MYLK: variants seen among roughly 807,000 people sequenced by gnomAD.
The protein encoded by MYLK is myosin light chain kinase, smooth muscle.
A neutral mutation model predicts 203.4 loss-of-function variants in MYLK; 106 were observed. The observed-to-expected ratio is 0.52, with a 90% confidence interval of 0.45 to 0.61. The LOEUF (loss-of-function observed/expected upper bound fraction) is 0.61. MYLK is among the 20% of genes least tolerant of loss of function. MYLK has a pLI of 0.00. For missense variants in MYLK, 2,072 were observed against 2,442.3 expected, an observed-to-expected ratio of 0.85 and a Z score of 3.20; for synonymous variants, 867 against 959.5, an observed-to-expected ratio of 0.90 and a Z score of 1.78.
intron 1 of MYLK, among the ~76,000 whole-genome samples, chr3:123,877,742 G>A (rs557963784): frequency 8.5e-5 from 13 of 152,268 alleles, no homozygotes; most frequent in Middle Eastern, 6.8e-3. Flanking sequence ...GAACATACTC[G>A]TTTCCACAAG....
intron 29 of MYLK, among the ~76,000 whole-genome samples, chr3:123,637,231 C>A (rs1469092263): frequency 6.6e-6 from 1 of 152,190 alleles, no homozygotes; most frequent in South Asian, 2.1e-4. Context: ...ACCGTCCGCA[C>A]CCTGGGGCTT....
At chr3:123,852,097 A>G (rs1201517137) in intron 2 of MYLK, among the ~76,000 whole-genome samples, 1 of 152,202 alleles carries the variant, frequency 6.6e-6, no homozygotes, top group African/African-American at 2.4e-5. Flanking sequence ...GATGAAGCCC[A>G]CTTGATCATG....
chr3:123,749,852 A>G (rs2063141622), intron 5 of MYLK, among the ~76,000 whole-genome samples: 1 of 152,242 alleles, frequency 6.6e-6, no homozygotes, highest in African/African-American at 2.4e-5. Flanking sequence ...TTTCCATTGC[A>G]CAACACTGCC....
chr3:123,758,392 G>C (rs2063428212), intron 4 of MYLK, among the ~76,000 whole-genome samples: 1 of 152,168 alleles, frequency 6.6e-6, no homozygotes, highest in Non-Finnish European at 1.5e-5. Flanking sequence ...TGTCCAACTT[G>C]TAAACCAATG....
intron 4 of MYLK, among the ~76,000 whole-genome samples, chr3:123,766,920 T>G (rs1482254125): frequency 6.6e-6 from 1 of 152,148 alleles, no homozygotes; most frequent in African/African-American, 2.4e-5. Context: ...TGGGTATTTG[T>G]TGGTGGCCTG....
intron 25 of MYLK, 44 bp downstream of exon 25, chr3:123,649,118 C>T: frequency 6.2e-7 from 1 of 1,614,138 alleles, no homozygotes; most frequent in South Asian, 1.1e-5. Flanking sequence ...CACTCAGCCC[C>T]CTCCACCCCA....
chr3:123,840,474 T>G (rs1241169767), intron 2 of MYLK, among the ~76,000 whole-genome samples: 1 of 151,250 alleles, frequency 6.6e-6, no homozygotes, highest in African/African-American at 2.4e-5. Flanking sequence ...CTTGACAACT[T>G]AGATAAAATA....
chr3:123,653,701 C>G (rs1416600351), intron 24 of MYLK, among the ~76,000 whole-genome samples: 1 of 152,146 alleles, frequency 6.6e-6, no homozygotes, highest in Non-Finnish European at 1.5e-5. Context: ...CCACACAGCC[C>G]TGGGAGCAGC....
Position 123,645,769 on chromosome 3 carries a change from C to T in MYLK, c.4619+1455G>A, listed in dbSNP as rs180836204. ...CTTAAATGAATTGTGATTTTCTATA[C>T]AACAAAACCCCACAGAGCTGTGAGA... On this transcript the variant is annotated intron_variant, in intron 27 of 33. Transcript: ENST00000360304. Among the ~76,000 whole-genome samples, 330 of 152,300 alleles carry T rather than the reference C, an allele frequency of 2.2e-3. 4 individuals carry two copies. Among genetic ancestry groups the T allele is most frequent in the South Asian group, 8.9e-3 (43 of 4,828 alleles).
intron 13 of MYLK, among the ~76,000 whole-genome samples, chr3:123,712,590 A>G (rs903328336): frequency 6.6e-6 from 1 of 152,138 alleles, no homozygotes; most frequent in African/African-American, 2.4e-5. Flanking sequence ...GCCATTGGGG[A>G]CTAAAAGCCT....
chr3:123,667,049 C>T, intron 21 of MYLK, 88 bp downstream of exon 21: 1 of 1,215,152 alleles, frequency 8.2e-7, no homozygotes. Context: ...CCTGGGATCA[C>T]ATACCCAGGT....
Position 123,700,428 on chromosome 3 carries a change from G to C in MYLK, c.3040C>G (p.Leu1014Val). Reference sequence around the variant, plus strand: ...GGCCCTGAAGGCTGTGCATTGCTCAGGGGCTTGGAACTCTCCACTGCCTTG... The same window carrying C: ...GGCCCTGAAGGCTGTGCATTGCTCACGGGCTTGGAACTCTCCACTGCCTTG... ...NAKAVESSKP[L>V]SNAQPSGPLK... The change falls in exon 18 of 34, where the codon CTG becomes GTG. Residue 1014 changes from leucine (L) to valine (V), a missense_variant. Leu to Val is a conservative substitution (Grantham distance 32). Around this residue, in one of 3 missense-constraint regions of MYLK, gnomAD observed 865 missense variants for 1,016.0 expected, o/e 0.85. Transcript: ENST00000360304. 6.2e-7 allele frequency: 1 copy of C among 1,612,348 alleles called. No homozygotes were observed. The highest frequency in any genetic ancestry group is 1.7e-5 in the Admixed American group (1 of 59,800).
intron 2 of MYLK, among the ~76,000 whole-genome samples, chr3:123,848,898 A>T (rs1473353824): frequency 6.6e-6 from 1 of 152,210 alleles, no homozygotes. Flanking sequence ...CATTAAAGCC[A>T]TGGTCATTTA....
intron 8 of MYLK, 52 bp downstream of exon 8, chr3:123,737,326 G>A: frequency 6.2e-7 from 1 of 1,612,736 alleles, no homozygotes; most frequent in Non-Finnish European, 8.5e-7. Flanking sequence ...CCTCTAGGAG[G>A]GTGCGGCACC....
rs369503342 is a variant in MYLK, at chr3:123,700,842, G to T, written c.2626C>A (p.Arg876Ser). The T allele has an allele frequency of 1.9e-6, 3 of 1,613,808 alleles. No individual in the cohort carries two copies. Among genetic ancestry groups the T allele is most frequent in the African/African-American group, 1.3e-5 (1 of 74,874 alleles). ...TCAGTGTGCTGCCTCGTCTCCACGCGCCTCTTCAGCACCCCTCGCACGTCC... is the reference window on the plus strand; with the variant it reads ...TCAGTGTGCTGCCTCGTCTCCACGCTCCTCTTCAGCACCCCTCGCACGTCC... The part of the protein sequence containing the change: ...GEDVRGVLKR[R>S]VETRQHTEEA... Residue 876 changes from arginine (R) to serine (S), a missense_variant, in exon 18 of 34, where the codon CGC becomes AGC. Around this residue, in one of 3 missense-constraint regions of MYLK, gnomAD observed 865 missense variants for 1,016.0 expected, o/e 0.85. Transcript: ENST00000360304.
At chr3:123,627,542 G>T (rs989329654) in intron 30 of MYLK, among the ~76,000 whole-genome samples, 1 of 152,126 alleles carries the variant, frequency 6.6e-6, no homozygotes, top group Admixed American at 6.5e-5. Flanking sequence ...TGGGGATCTA[G>T]AAACATTTTA....
chr3:123,802,755 G>A (rs897482691), intron 3 of MYLK, among the ~76,000 whole-genome samples: 9 of 152,132 alleles, frequency 5.9e-5, no homozygotes, highest in East Asian at 1.9e-4. Context: ...AGTTTTCTGC[G>A]ATACAAGTCA....
At chr3:123,744,997 TA>T (rs1263080978) in intron 5 of MYLK, among the ~76,000 whole-genome samples, 1 of 152,208 alleles carries the variant, frequency 6.6e-6, no homozygotes, top group Non-Finnish European at 1.5e-5. Context: ...GGTAATTATA[TA>T]TAGATAGAAA....
intron 3 of MYLK, among the ~76,000 whole-genome samples, chr3:123,812,455 G>A (rs181320493): frequency 9.9e-5 from 15 of 152,250 alleles, no homozygotes; most frequent in African/African-American, 2.9e-4. Context: ...CACAGATCCC[G>A]GCCAATTCCA....
Sources: allele counts gnomAD v4.1 joint callset (sites outside exome capture counted in the v4.1 genomes callset), GRCh38; gene constraint gnomAD v4.1.1; regional missense constraint gnomAD v4.1.1; transcripts MANE v1.5; gene names NCBI Gene and HGNC (gene_info 2026-07-23, HGNC 2026-07-21).